Variants in ADGRE3 observed in about 807,000 individuals in gnomAD.
The protein encoded by ADGRE3 is EGF-like module receptor 3.
In ADGRE3, 88 loss-of-function variants were observed where a neutral mutation model predicts 80.1. That is an observed-to-expected ratio of 1.10 (90% CI 0.93 to 1.31). The LOEUF (loss-of-function observed/expected upper bound fraction) is 1.31, where lower values mean the gene tolerates loss of function less well. Among genes scored for constraint, ADGRE3 ranks in the 40% most tolerant of loss-of-function variants. The pLI is 0.00. For synonymous variants in ADGRE3, 281 were observed against 294.8 expected, an observed-to-expected ratio of 0.95 and a Z score of 0.48; for missense variants, 715 against 776.5, an observed-to-expected ratio of 0.92 and a Z score of 0.94.
At position 14,620,568 on chromosome 19, in the gene ADGRE3, A is replaced by ATATATATATATATATTT. The variant is rs1435435269; in HGVS notation, c.1921-1098_1921-1097insAAATATATATATATATA. Among the ~76,000 whole-genome samples, 5 of 11,054 alleles carry ATATATATATATATATTT rather than the reference A, an allele frequency of 4.5e-4. 2 individuals are homozygous for ATATATATATATATATTT. The highest frequency in any genetic ancestry group is 2.0e-3 in the African/African-American group (5 of 2,452). The allele number at this position is 11,054 out of a possible 152,430, so 7.3% of individuals were successfully genotyped here. A position where few individuals can be genotyped will look rare whatever the true frequency, so the allele number is the denominator to read the frequency against. On this transcript the variant is annotated intron_variant, in intron 15 of 15. Coordinates refer to ENST00000253673, the MANE Select transcript of ADGRE3 (RefSeq NM_032571.5). ...ATATATTATATATATATATATATAT[A>ATATATATATATATATTT]TTTTTTTTTTTTTTTTTTTTTTTTT...
chr19:14,633,826 G>C (rs1302502213), intron 11 of ADGRE3, among the ~76,000 whole-genome samples: 2 of 143,462 alleles, frequency 1.4e-5, no homozygotes, highest in African/African-American at 2.6e-5. Flanking sequence ...GCCCAGGTTG[G>C]AGTGCAGTGG....
At chr19:14,651,300 A>G in intron 6 of ADGRE3, 96 bp from the exon 7 acceptor site, 1 of 1,360,650 alleles carries the variant, frequency 7.3e-7, no homozygotes, top group Non-Finnish European at 1.0e-6. Flanking sequence ...CTGTAGTCCC[A>G]ACTACTCAAG....
intron 8 of ADGRE3, among the ~76,000 whole-genome samples, chr19:14,645,529 C>T (rs574920453): frequency 1.3e-5 from 2 of 152,120 alleles, no homozygotes; most frequent in Admixed American, 6.6e-5. Context: ...TGTGGTGGCA[C>T]TTGCTCGTAA....
chr19:14,666,332 C>T (rs908725426), intron 2 of ADGRE3, among the ~76,000 whole-genome samples: 1 of 150,492 alleles, frequency 6.6e-6, no homozygotes, highest in Non-Finnish European at 1.5e-5. Flanking sequence ...ATTTGCATTT[C>T]CCTTATAATT....
chr19:14,642,913 T>C (rs954869532), intron 9 of ADGRE3, among the ~76,000 whole-genome samples: 1 of 152,184 alleles, frequency 6.6e-6, no homozygotes, highest in Non-Finnish European at 1.5e-5. Context: ...GTCTTTATGA[T>C]AGAATGATTT....
chr19:14,662,805 G>A (rs1264089914), intron 3 of ADGRE3, among the ~76,000 whole-genome samples: 3 of 149,136 alleles, frequency 2.0e-5, no homozygotes, highest in South Asian at 2.1e-4. Flanking sequence ...CAGGGTTCAC[G>A]CCTGTAATCC....
intron 7 of ADGRE3, among the ~76,000 whole-genome samples, chr19:14,650,661 CTCT>C (rs1971577599): frequency 4.7e-5 from 7 of 149,484 alleles, no homozygotes; most frequent in Admixed American, 1.4e-4. Flanking sequence ...CTCTCTCTCT[CTCT>C]CTCTCTCTCT....
intron 10 of ADGRE3, among the ~76,000 whole-genome samples, chr19:14,641,116 T>G (rs1971235072): frequency 6.6e-6 from 1 of 152,156 alleles, no homozygotes; most frequent in South Asian, 2.1e-4. Context: ...CTTCAAAAAT[T>G]CATCATTCTT....
At chr19:14,661,805 C>T (rs1178892472) in intron 4 of ADGRE3, among the ~76,000 whole-genome samples, 158 bp downstream of exon 4, 1 of 152,140 alleles carries the variant, frequency 6.6e-6, no homozygotes, top group Non-Finnish European at 1.5e-5. Context: ...GAGGCTGAGA[C>T]AGGAGAATCG....
intron 1 of ADGRE3, among the ~76,000 whole-genome samples, chr19:14,669,464 G>T (rs1463327294): frequency 6.6e-6 from 1 of 152,078 alleles, no homozygotes; most frequent in Non-Finnish European, 1.5e-5. Context: ...TATGAGTGCA[G>T]GTGTCGCTTT....
intron 15 of ADGRE3, among the ~76,000 whole-genome samples, chr19:14,624,765 A>G (rs945590976): frequency 1.3e-5 from 2 of 151,666 alleles, no homozygotes; most frequent in Non-Finnish European, 2.9e-5. Flanking sequence ...TTAAAAAAAA[A>G]AAAAAAGGAA....
At chr19:14,619,823 A>G (rs1457583790) in intron 15 of ADGRE3, among the ~76,000 whole-genome samples, 3 of 152,158 alleles carry the variant, frequency 2.0e-5, no homozygotes, top group Non-Finnish European at 4.4e-5. Flanking sequence ...ATAGTGCCTG[A>G]CACACTGTAG....
intron 4 of ADGRE3, among the ~76,000 whole-genome samples, chr19:14,659,053 T>G (rs1046073732): frequency 5.3e-5 from 8 of 151,412 alleles, no homozygotes; most frequent in Non-Finnish European, 1.2e-4. Flanking sequence ...CTTTTTTTTT[T>G]TAGATAGGGT....
intron 12 of ADGRE3, 90 bp from the exon 13 acceptor site, chr19:14,633,102 T>C: frequency 7.9e-7 from 1 of 1,259,912 alleles, no homozygotes; most frequent in African/African-American, 1.5e-5. Context: ...TACCCTCTTG[T>C]ACATGGGACT....
intron 1 of ADGRE3, among the ~76,000 whole-genome samples, chr19:14,674,045 T>C (rs1487070989): frequency 6.6e-6 from 1 of 152,018 alleles, no homozygotes; most frequent in Non-Finnish European, 1.5e-5. Flanking sequence ...AATAATAAAA[T>C]TATCATTTAT....
At chr19:14,611,588 C>T in the ADGRE3 span, among the ~76,000 whole-genome samples, 2 of 151,978 alleles carry the variant, frequency 1.3e-5, no homozygotes, top group Non-Finnish European at 2.9e-5. Context: ...AAAGCAAGAC[C>T]CCTACATAGT....
At chr19:14,654,254 AAAAC>A (rs1374858865) in intron 6 of ADGRE3, among the ~76,000 whole-genome samples, 1 of 132,568 alleles carries the variant, frequency 7.5e-6, no homozygotes, top group Non-Finnish European at 1.6e-5. Flanking sequence ...TGCCCAGCCC[AAAAC>A]CTGTTTTTTT....
intron 5 of ADGRE3, 30 bp from the exon 6 acceptor site, chr19:14,655,195 T>A (rs777277377): frequency 3.6e-5 from 57 of 1,582,176 alleles, no homozygotes; most frequent in East Asian, 2.9e-4. Flanking sequence ...TTTCATTTTT[T>A]AAAAATGTAA....
the ADGRE3 span, chr19:14,609,995 A>C: frequency 1.8e-6 from 2 of 1,135,488 alleles, no homozygotes; most frequent in Admixed American, 1.8e-5. Context: ...TCATCATTAC[A>C]GTATTATACA....
Sources: gnomAD v4.1 joint callset for allele counts (sites outside exome capture counted in the v4.1 genomes callset) on GRCh38, gnomAD v4.1.1 for gene constraint, MANE v1.5 for transcripts, NCBI Gene and HGNC (gene_info 2026-07-23, HGNC 2026-07-21) for gene names.